The following DNM3 variants were observed in gnomAD, a reference collection of about 807,000 sequenced individuals.
DNM3 encodes the protein dynamin-3.
Under a neutral mutation model 101.6 loss-of-function variants are expected in DNM3, and 47 were observed. The ratio of observed to expected loss-of-function variants is 0.46; its 90% CI spans 0.37 to 0.59. The LOEUF is 0.59. Ranked by LOEUF, DNM3 falls within the 20% of genes least tolerant of loss-of-function variation. DNM3 has a pLI of 0.00. For synonymous variants in DNM3, 385 were observed against 387.9 expected (o/e 0.99, Z 0.09); for missense variants, 849 against 1,085.7 (o/e 0.78, Z 3.06).
rs144086271 is a variant in DNM3 at position 172,117,089 on chromosome 1, C to T, written c.1546-14086C>T. On this transcript the variant is annotated intron_variant, in intron 13 of 20. Coordinates refer to ENST00000627582, the MANE Select transcript of DNM3 (RefSeq NM_015569.5). Reference sequence around the variant, plus strand: ...GCATGGTGGTGCATGCTTGTAATCCCAGCTACTTGGGAGGCTGAGACAGGA... The same window carrying T: ...GCATGGTGGTGCATGCTTGTAATCCTAGCTACTTGGGAGGCTGAGACAGGA... Among the ~76,000 whole-genome samples the T allele has an allele frequency of 3.6e-3, 548 of 152,032 alleles. 7 individuals carry two copies. Among genetic ancestry groups the T allele is most frequent in the African/African-American group, 0.013 (522 of 41,476 alleles).
intron 11 of DNM3, among the ~76,000 whole-genome samples, chr1:172,078,154 G>A (rs533033044): frequency 7.2e-5 from 11 of 151,962 alleles, no homozygotes; most frequent in Admixed American, 2.0e-4. Context: ...GTGCAGTGGC[G>A]CAATCTCAGC....
chr1:172,182,087 A>G (rs532734126), intron 14 of DNM3, among the ~76,000 whole-genome samples: 1 of 151,994 alleles, frequency 6.6e-6, no homozygotes, highest in African/African-American at 2.4e-5. Flanking sequence ...GGAACTTTTT[A>G]CTATTAGAAA....
intron 14 of DNM3, among the ~76,000 whole-genome samples, chr1:172,161,162 G>A (rs1250049255): frequency 1.3e-5 from 2 of 150,554 alleles, no homozygotes; most frequent in Non-Finnish European, 1.5e-5. Flanking sequence ...GGATTAGGCC[G>A]TGGTTTTCAC....
At chr1:172,229,105 T>C (rs2061242251) in intron 14 of DNM3, among the ~76,000 whole-genome samples, 1 of 152,166 alleles carries the variant, frequency 6.6e-6, no homozygotes. Context: ...AGTTAGGCTT[T>C]CATTATTTTT....
Position 172,162,772 on chromosome 1 carries a change from A to C in DNM3, c.1659+31484A>C, listed in dbSNP as rs543864590. Among the ~76,000 whole-genome samples, 17 of 152,158 alleles carry C rather than the reference A, an allele frequency of 1.1e-4. No homozygotes were observed. The East Asian group carries it at 3.1e-3, about 28-fold the overall frequency. ...CAGATTTCCCAGAATAATTTACTTC[A>C]ATCTATTTTAATCTATACTGAGATC... On this transcript the variant is annotated intron_variant, in intron 14 of 20. Coordinates refer to ENST00000627582, the MANE Select transcript of DNM3 (RefSeq NM_015569.5).
intron 2 of DNM3, among the ~76,000 whole-genome samples, chr1:171,981,992 C>G (rs541061289): frequency 6.6e-6 from 1 of 152,130 alleles, no homozygotes; most frequent in African/African-American, 2.4e-5. Context: ...GCTGAAGCCT[C>G]AAGTTGTTTG....
At chr1:172,226,055 G>A (rs960182743) in intron 14 of DNM3, among the ~76,000 whole-genome samples, 1 of 151,968 alleles carries the variant, frequency 6.6e-6, no homozygotes, top group Non-Finnish European at 1.5e-5. Context: ...TTAGTTTCTA[G>A]TTTGTAACTA....
chr1:172,371,626 C>A (rs182974758), intron 17 of DNM3, among the ~76,000 whole-genome samples: 9 of 151,928 alleles, frequency 5.9e-5, no homozygotes, highest in Non-Finnish European at 1.2e-4. Context: ...ATTACCTCCA[C>A]TTATAAGCAC....
At chr1:171,963,837 T>G (rs2043383921) in intron 2 of DNM3, among the ~76,000 whole-genome samples, 1 of 150,668 alleles carries the variant, frequency 6.6e-6, no homozygotes, top group Non-Finnish European at 1.5e-5. Context: ...GTTTACCATG[T>G]AAACCAAAAA....
chr1:171,970,925 G>A (rs1184916345), intron 2 of DNM3, among the ~76,000 whole-genome samples: 1 of 151,978 alleles, frequency 6.6e-6, no homozygotes, highest in Non-Finnish European at 1.5e-5. Flanking sequence ...ATCCAGTGGT[G>A]TGCTTGTCAA....
chr1:172,233,994 C>T (rs951926493), intron 14 of DNM3, among the ~76,000 whole-genome samples: 2 of 152,040 alleles, frequency 1.3e-5, no homozygotes, highest in African/African-American at 4.8e-5. Flanking sequence ...ACAGGGATGC[C>T]CTCTCTCACC....
At chr1:171,850,960 G>C (rs2032879810) in intron 1 of DNM3, among the ~76,000 whole-genome samples, 1 of 152,140 alleles carries the variant, frequency 6.6e-6, no homozygotes, top group Non-Finnish European at 1.5e-5. Flanking sequence ...GAGTATTTGT[G>C]AATGAGTTAG....
At chr1:172,177,685 T>G (rs2059202615) in intron 14 of DNM3, among the ~76,000 whole-genome samples, 1 of 151,800 alleles carries the variant, frequency 6.6e-6, no homozygotes, top group South Asian at 2.1e-4. Context: ...GAAGTAATGT[T>G]AAAAGATACC....
chr1:172,295,160 A>T (rs1476943202), intron 15 of DNM3, among the ~76,000 whole-genome samples: 1 of 152,146 alleles, frequency 6.6e-6, no homozygotes, highest in Non-Finnish European at 1.5e-5. Flanking sequence ...AACCCAAAGA[A>T]GCCTCTATGT....
intron 14 of DNM3, among the ~76,000 whole-genome samples, chr1:172,154,162 G>T (rs969864233): frequency 6.6e-6 from 1 of 151,990 alleles, no homozygotes; most frequent in African/African-American, 2.4e-5. Flanking sequence ...CTCTACAATG[G>T]TTTCCCAAAT....
At chr1:171,997,846 G>C (rs1442567126) in intron 4 of DNM3, among the ~76,000 whole-genome samples, 1 of 152,116 alleles carries the variant, frequency 6.6e-6, no homozygotes, top group Non-Finnish European at 1.5e-5. Context: ...ATGGCATCTT[G>C]TGTGTGAAGA....
At chr1:172,167,550 T>C (rs1467587645) in intron 14 of DNM3, among the ~76,000 whole-genome samples, 1 of 152,088 alleles carries the variant, frequency 6.6e-6, no homozygotes, top group Non-Finnish European at 1.5e-5. Flanking sequence ...TGTAAAAGTG[T>C]TCCTGTTTCT....
At position 172,300,471 on chromosome 1, in the gene DNM3, T is replaced by C. The variant is rs79833516; in HGVS notation, c.1770-8257T>C. Among the ~76,000 whole-genome samples the C allele has an allele frequency of 7.0e-3, 1,068 of 152,256 alleles. 9 individuals are homozygous for C. Among genetic ancestry groups the C allele is most frequent in the African/African-American group, 0.024 (1,011 of 41,560 alleles). ...AGTCATAAATTCTTGCCAAGACCAA[T>C]TCCAGGAAGGTATTTTCTAGATTTT... On this transcript the variant is annotated intron_variant, in intron 15 of 20. Transcript: ENST00000627582.
chr1:171,887,412 T>C (rs1349639494), intron 1 of DNM3, among the ~76,000 whole-genome samples: 1 of 152,204 alleles, frequency 6.6e-6, no homozygotes, highest in East Asian at 1.9e-4. Context: ...GCAGGGTCTT[T>C]CTTAAAAAAT....
Sources: gnomAD v4.1 joint callset for allele counts (sites outside exome capture counted in the v4.1 genomes callset) on GRCh38, gnomAD v4.1.1 for gene constraint, MANE v1.5 for transcripts, NCBI Gene and HGNC (gene_info 2026-07-23, HGNC 2026-07-21) for gene names.